Variants in ESCO1 observed in about 807,000 individuals in gnomAD.
The protein encoded by ESCO1 is N-acetyltransferase ESCO1.
ESCO1 carries 33 observed loss-of-function variants against 83.5 expected under a neutral mutation model. The observed-to-expected ratio is 0.40, with a 90% CI of 0.30 to 0.53. ESCO1 has a LOEUF of 0.53. Ranked by LOEUF, ESCO1 falls within the 20% of genes least tolerant of loss-of-function variation. ESCO1 has a pLI of 0.63. For missense variants in ESCO1, 855 were observed against 968.0 expected (o/e 0.88, Z 1.55); for synonymous variants, 332 against 324.3 (o/e 1.02, Z -0.25).
At chr18:21,594,635 C>A (rs541611503) in intron 1 of ESCO1, among the ~76,000 whole-genome samples, 1 of 151,114 alleles carries the variant, frequency 6.6e-6, no homozygotes, top group South Asian at 2.1e-4. Context: ...ACCCAGGAGG[C>A]GGAGCTTGCA....
At chr18:21,537,279 A>G (rs2037849028) in intron 9 of ESCO1, among the ~76,000 whole-genome samples, 1 of 152,222 alleles carries the variant, frequency 6.6e-6, no homozygotes, top group Non-Finnish European at 1.5e-5. Context: ...AAAGCCAGAG[A>G]GCAGTGGCTG....
At chr18:21,592,952 G>C (rs546138036) in intron 1 of ESCO1, 1 of 170,298 alleles carries the variant, frequency 5.9e-6, no homozygotes. Flanking sequence ...CATCCCAGAC[G>C]GGGCGGCAGG....
intron 8 of ESCO1, among the ~76,000 whole-genome samples, chr18:21,544,906 G>A (rs937819449): frequency 5.9e-5 from 9 of 152,300 alleles, no homozygotes; most frequent in South Asian, 2.1e-4. Flanking sequence ...TCTAGTCAGC[G>A]TTGCAGCCAG....
intron 5 of ESCO1, among the ~76,000 whole-genome samples, chr18:21,567,082 T>G (rs1487496413): frequency 6.6e-6 from 1 of 152,182 alleles, no homozygotes; most frequent in African/African-American, 2.4e-5. Context: ...AATTAAGAGA[T>G]TTCTTTTCTA....
chr18:21,530,959 T>C (rs1219154652), intron 11 of ESCO1, among the ~76,000 whole-genome samples: 1 of 152,140 alleles, frequency 6.6e-6, no homozygotes, highest in South Asian at 2.1e-4. Context: ...CTTTTGCAGA[T>C]GAAAAGGCCT....
intron 8 of ESCO1, chr18:21,540,553 G>A (rs1322446162): frequency 7.7e-7 from 1 of 1,300,508 alleles, no homozygotes; most frequent in East Asian, 4.8e-5. Context: ...GCCACAAGAA[G>A]GAGACTATAA....
chr18:21,585,345 T>C (rs1253433183), intron 1 of ESCO1, among the ~76,000 whole-genome samples: 1 of 152,202 alleles, frequency 6.6e-6, no homozygotes, highest in African/African-American at 2.4e-5. Context: ...TTCCCTGACC[T>C]GATCGTCTTG....
chr18:21,567,924 C>A, intron 5 of ESCO1, 56 bp downstream of exon 5: 1 of 1,344,234 alleles, frequency 7.4e-7, no homozygotes, highest in Non-Finnish European at 1.0e-6. Context: ...TTCTGTAATA[C>A]TGACAAAAAT....
At chr18:21,577,578 T>C (rs2038436901) in intron 2 of ESCO1, among the ~76,000 whole-genome samples, 1 of 149,156 alleles carries the variant, frequency 6.7e-6, no homozygotes, top group Non-Finnish European at 1.5e-5. Flanking sequence ...GAGAATTGCT[T>C]GAATCCAGGA....
At chr18:21,587,836 G>C (rs535921816) in intron 1 of ESCO1, among the ~76,000 whole-genome samples, 167 of 152,244 alleles carry the variant, frequency 1.1e-3, no homozygotes, top group Non-Finnish European at 1.2e-3. Context: ...TGGAGGCTGA[G>C]GCGGGAGGAT....
chr18:21,587,226 T>C (rs2038594765), intron 1 of ESCO1, among the ~76,000 whole-genome samples: 1 of 152,194 alleles, frequency 6.6e-6, no homozygotes, highest in Non-Finnish European at 1.5e-5. Context: ...AGTACTAAGG[T>C]CTTTTTAGCA....
chr18:21,559,280 A>AG (rs923578714), intron 8 of ESCO1, among the ~76,000 whole-genome samples: 1 of 152,272 alleles, frequency 6.6e-6, no homozygotes, highest in Non-Finnish European at 1.5e-5. Flanking sequence ...TGTCCCATCA[A>AG]GGGGGGGTTG....
At chr18:21,532,690 T>G in intron 10 of ESCO1, 30 bp from the exon 11 acceptor site, 1 of 1,597,668 alleles carries the variant, frequency 6.3e-7, no homozygotes, top group Non-Finnish European at 8.5e-7. Context: ...GGAAAAAATT[T>G]AAGTGAGATT....
chr18:21,550,996 C>CA (rs934365058), intron 8 of ESCO1, among the ~76,000 whole-genome samples: 2 of 151,586 alleles, frequency 1.3e-5, no homozygotes, highest in African/African-American at 4.9e-5. Flanking sequence ...CCTGTAGTCC[C>CA]AGCTACTTGG....
intron 6 of ESCO1, among the ~76,000 whole-genome samples, chr18:21,565,167 TA>T (rs1477044856): frequency 6.6e-6 from 1 of 151,978 alleles, no homozygotes. Context: ...AAACAAAAAC[TA>T]ATTTTCAGTA....
chr18:21,579,308 A>C (rs1395288286), intron 2 of ESCO1, among the ~76,000 whole-genome samples: 1 of 152,010 alleles, frequency 6.6e-6, no homozygotes, highest in Admixed American at 6.5e-5. Context: ...AAATTTTCTA[A>C]TAAGCTGAGC....
intron 1 of ESCO1, among the ~76,000 whole-genome samples, chr18:21,590,593 T>C (rs542094458): frequency 6.6e-6 from 1 of 152,280 alleles, no homozygotes; most frequent in East Asian, 1.9e-4. Flanking sequence ...TTTAATTGAA[T>C]TTGTATTTCA....
intron 8 of ESCO1, 113 bp downstream of exon 8, chr18:21,560,746 T>A: frequency 7.6e-7 from 1 of 1,312,980 alleles, no homozygotes; most frequent in Non-Finnish European, 1.0e-6. Flanking sequence ...GTACATATTA[T>A]TATCTCTTAA....
intron 1 of ESCO1, among the ~76,000 whole-genome samples, chr18:21,599,190 A>C (rs1371383388): frequency 6.6e-6 from 1 of 152,148 alleles, no homozygotes; most frequent in Non-Finnish European, 1.5e-5. Context: ...TAGAAAACTT[A>C]GCCTAACATG....
Sources: gnomAD v4.1 joint callset for allele counts (sites outside exome capture counted in the v4.1 genomes callset) on GRCh38, gnomAD v4.1.1 for gene constraint, MANE v1.5 for transcripts, NCBI Gene and HGNC (gene_info 2026-07-23, HGNC 2026-07-21) for gene names.